The following TNPO3 variants were observed in gnomAD, a reference collection of about 807,000 sequenced individuals.
TNPO3 encodes transportin-3.
TNPO3 carries 65 observed loss-of-function variants against 122.8 expected under a neutral mutation model. The observed-to-expected ratio is 0.53, with a 90% confidence interval of 0.43 to 0.65. The LOEUF is 0.65. TNPO3 is among the 30% of genes least tolerant of loss of function. TNPO3 has a pLI of 0.00. For missense variants in TNPO3, 850 were observed against 1,136.7 expected (o/e 0.75, Z 3.63); for synonymous variants, 372 against 411.2 (o/e 0.90, Z 1.15).
chr7:129,034,290 G>A (rs1377145011), intron 1 of TNPO3, among the ~76,000 whole-genome samples: 1 of 152,162 alleles, frequency 6.6e-6, no homozygotes, highest in Admixed American at 6.5e-5. Context: ...GGAGACTGAG[G>A]CAGGAAGACT....
At chr7:128,993,647 T>A (rs565595211) in intron 9 of TNPO3, among the ~76,000 whole-genome samples, 160 bp downstream of exon 9, 1 of 152,354 alleles carries the variant, frequency 6.6e-6, no homozygotes, top group Non-Finnish European at 1.5e-5. Flanking sequence ...TAAATAAACA[T>A]AGCTACTATA....
chr7:128,969,407 T>C (rs1798234690), intron 20 of TNPO3, among the ~76,000 whole-genome samples: 1 of 152,230 alleles, frequency 6.6e-6, no homozygotes, highest in Admixed American at 6.5e-5. Flanking sequence ...TTTTATATTC[T>C]GTGGTTCTGT....
At chr7:129,023,024 G>C (rs1189725675) in intron 1 of TNPO3, among the ~76,000 whole-genome samples, 1 of 152,172 alleles carries the variant, frequency 6.6e-6, no homozygotes, top group Non-Finnish European at 1.5e-5. Context: ...TGGAAGAAAG[G>C]GGAGAGCACA....
At chr7:128,959,859 A>T (rs1234728338) in intron 21 of TNPO3, among the ~76,000 whole-genome samples, 1 of 152,112 alleles carries the variant, frequency 6.6e-6, no homozygotes, top group Non-Finnish European at 1.5e-5. Flanking sequence ...CATCTCCACT[A>T]AAAAGACAAA....
At position 129,023,787 on chromosome 7, in the gene TNPO3, C is replaced by T. The variant is rs1191617289; in HGVS notation, c.121-5630G>A. ...TCTTGGTTTTCCTATATAAACTGTACTCCTAAGTAACCTAACAGAGAAGAG... is the reference window on the plus strand; with the variant it reads ...TCTTGGTTTTCCTATATAAACTGTATTCCTAAGTAACCTAACAGAGAAGAG... On this transcript the variant is annotated intron_variant, in intron 1 of 22. Transcript: ENST00000265388. Among the ~76,000 whole-genome samples, 3 of 152,166 alleles carry T rather than the reference C, an allele frequency of 2.0e-5. No homozygotes were observed. In the East Asian group the frequency reaches 5.8e-4, roughly 29 times the overall value.
chr7:128,991,056 T>A (rs1800694721), intron 10 of TNPO3, among the ~76,000 whole-genome samples: 1 of 152,214 alleles, frequency 6.6e-6, no homozygotes, highest in Non-Finnish European at 1.5e-5. Flanking sequence ...TATCTAGCCA[T>A]CATTTTTCAA....
intron 1 of TNPO3, among the ~76,000 whole-genome samples, chr7:129,028,110 A>C (rs1029606866): frequency 1.3e-5 from 2 of 152,202 alleles, no homozygotes; most frequent in Non-Finnish European, 2.9e-5. Flanking sequence ...GGAAATCAGA[A>C]AACATCTTCA....
At chr7:128,989,927 G>C (rs1221442647) in intron 11 of TNPO3, 34 bp downstream of exon 11, 1 of 1,598,368 alleles carries the variant, frequency 6.3e-7, no homozygotes, top group South Asian at 1.1e-5. Context: ...AAAATGACAA[G>C]TTAGAAGTGG....
intron 1 of TNPO3, among the ~76,000 whole-genome samples, chr7:129,026,527 T>G (rs1165206804): frequency 6.7e-6 from 1 of 149,696 alleles, no homozygotes; most frequent in Non-Finnish European, 1.5e-5. Context: ...CTCAGCCTCC[T>G]AAGTAGCTGG....
intron 17 of TNPO3, 89 bp downstream of exon 17, chr7:128,975,730 A>T: frequency 1.2e-6 from 1 of 801,514 alleles, no homozygotes; most frequent in Non-Finnish European, 2.1e-6. Flanking sequence ...ATAAAGAAGC[A>T]ACAGAATTAA....
Position 128,972,418 on chromosome 7 carries a change from A to C in TNPO3, c.2430+8T>G. 2 of 1,607,218 alleles carry C rather than the reference A, an allele frequency of 1.2e-6. No individual in the cohort carries two copies. The highest frequency in any genetic ancestry group is 1.7e-6 in the Non-Finnish European group (2 of 1,177,214). ...GTTAAGTAGAAATGGTATCATTTTT[A>C]TACTTACATCATTGGCTACCCCTGT... On this transcript the variant is annotated splice_region_variant and intron_variant, in intron 19 of 22. Transcript: ENST00000265388.
intron 1 of TNPO3, among the ~76,000 whole-genome samples, chr7:129,028,641 T>C (rs1257814009): frequency 1.3e-5 from 2 of 152,150 alleles, no homozygotes; most frequent in Non-Finnish European, 2.9e-5. Flanking sequence ...TGGGCCAGCA[T>C]CTCTGGCGGG....
chr7:129,026,850 T>G (rs1196856903), intron 1 of TNPO3, among the ~76,000 whole-genome samples: 2 of 152,206 alleles, frequency 1.3e-5, no homozygotes, highest in Non-Finnish European at 2.9e-5. Flanking sequence ...TGGAGGGCAG[T>G]GGGACCATCA....
At chr7:128,960,205 C>T (rs975201989) in intron 21 of TNPO3, among the ~76,000 whole-genome samples, 7 of 152,040 alleles carry the variant, frequency 4.6e-5, no homozygotes, top group African/African-American at 1.4e-4. Flanking sequence ...CACTGCCAGT[C>T]ATATAAAAGG....
At chr7:128,957,759 T>C (rs1797039789) in intron 21 of TNPO3, among the ~76,000 whole-genome samples, 1 of 152,236 alleles carries the variant, frequency 6.6e-6, no homozygotes, top group Admixed American at 6.5e-5. Flanking sequence ...GCTACGGCTC[T>C]CATAAGTTTC....
Position 128,985,171 on chromosome 7 carries a change from A to T in TNPO3, c.1691-912T>A, listed in dbSNP as rs559899380. ...TAAACCTTCAAATTTGAATTAAAAA[A>T]ACAGAGTGAATCTTCTTGGCCATCT... On this transcript the variant is annotated intron_variant, in intron 12 of 22. Transcript: ENST00000265388. Among the ~76,000 whole-genome samples, 5 of 152,382 alleles carry T rather than the reference A, an allele frequency of 3.3e-5. No individual in the cohort carries two copies. The South Asian group carries it at 1.0e-3, about 32-fold the overall frequency.
intron 13 of TNPO3, among the ~76,000 whole-genome samples, chr7:128,983,190 A>G (rs1309838672): frequency 6.6e-6 from 1 of 152,122 alleles, no homozygotes; most frequent in African/African-American, 2.4e-5. Context: ...AATGGAGATC[A>G]TAAGACCAAT....
chr7:129,036,060 T>C (rs1323714967), intron 1 of TNPO3, among the ~76,000 whole-genome samples: 2 of 151,502 alleles, frequency 1.3e-5, no homozygotes, highest in Admixed American at 1.3e-4. Flanking sequence ...TTCAAGTGAT[T>C]CTCCTGCCTC....
chr7:129,002,904 G>A (rs1253930588), intron 5 of TNPO3, among the ~76,000 whole-genome samples: 1 of 152,018 alleles, frequency 6.6e-6, no homozygotes, highest in African/African-American at 2.4e-5. Flanking sequence ...GCCGGGCGTG[G>A]TGTCAGGTTC....
Sources: allele counts gnomAD v4.1 joint callset (sites outside exome capture counted in the v4.1 genomes callset), GRCh38; gene constraint gnomAD v4.1.1; transcripts MANE v1.5; gene names NCBI Gene and HGNC (gene_info 2026-07-23, HGNC 2026-07-21).